GNG7: variants seen among roughly 807,000 people sequenced by gnomAD.
GNG7 encodes guanine nucleotide-binding protein G(I)/G(S)/G(O) subunit gamma-7.
A neutral mutation model predicts 4.0 loss-of-function variants in GNG7; 1 was observed. The ratio of observed to expected loss-of-function variants is 0.25; its 90% CI spans 0.09 to 1.18. GNG7 has a LOEUF of 1.18. Among genes scored for constraint, GNG7 ranks in the 50% most tolerant of loss-of-function variants. The probability of loss-of-function intolerance (pLI) is 0.50; values close to 1 mark genes in which losing one functional copy is unlikely to be tolerated. For missense variants in GNG7, 86 were observed against 91.9 expected (o/e 0.94, Z 0.26); for synonymous variants, 34 against 36.9 (o/e 0.92, Z 0.29).
intron 1 of GNG7, among the ~76,000 whole-genome samples, chr19:2,670,945 C>G (rs1283122220): frequency 2.6e-5 from 4 of 152,160 alleles, no homozygotes; most frequent in Non-Finnish European, 4.4e-5. Flanking sequence ...ATATCCCCAC[C>G]CTGAGTGGGG....
At chr19:2,604,537 G>A (rs1478975419) in intron 2 of GNG7, among the ~76,000 whole-genome samples, 24 of 138,456 alleles carry the variant, frequency 1.7e-4, no homozygotes, top group Middle Eastern at 3.8e-3. Flanking sequence ...GGGAGGGAGC[G>A]AGGGAGGGAA....
At chr19:2,678,974 C>T (rs1341597225) in intron 1 of GNG7, among the ~76,000 whole-genome samples, 1 of 152,166 alleles carries the variant, frequency 6.6e-6, no homozygotes, top group East Asian at 1.9e-4. Context: ...TCCCCAAGAA[C>T]AGACTTCATC....
intron 1 of GNG7, among the ~76,000 whole-genome samples, chr19:2,668,977 C>T (rs2144886682): frequency 6.6e-6 from 1 of 152,240 alleles, no homozygotes; most frequent in South Asian, 2.1e-4. Flanking sequence ...AACCACGGTC[C>T]CACAATATCC....
intron 1 of GNG7, among the ~76,000 whole-genome samples, chr19:2,672,219 G>C (rs946284007): frequency 1.1e-4 from 17 of 151,534 alleles, no homozygotes; most frequent in African/African-American, 4.1e-4. Context: ...ATTTTCAGTA[G>C]AGACAGGGTT....
At chr19:2,594,342 T>A (rs1412923228) in intron 2 of GNG7, among the ~76,000 whole-genome samples, 1 of 147,658 alleles carries the variant, frequency 6.8e-6, no homozygotes, top group African/African-American at 2.5e-5. Flanking sequence ...ACCACTGCAC[T>A]CCAGCCTAGG....
At chr19:2,650,971 A>C (rs1982796491) in intron 1 of GNG7, among the ~76,000 whole-genome samples, 1 of 152,252 alleles carries the variant, frequency 6.6e-6, no homozygotes, top group Admixed American at 6.5e-5. Flanking sequence ...GCCCGGCTTT[A>C]AACCCAGCTC....
intron 2 of GNG7, among the ~76,000 whole-genome samples, chr19:2,589,915 G>A (rs572099542): frequency 6.8e-4 from 104 of 152,286 alleles, no homozygotes; most frequent in African/African-American, 2.4e-3. Flanking sequence ...GGGTTCAAGC[G>A]ATTCTTCTAC....
At chr19:2,627,844 C>T (rs1568267204) in intron 2 of GNG7, among the ~76,000 whole-genome samples, 1 of 152,220 alleles carries the variant, frequency 6.6e-6, no homozygotes, top group Non-Finnish European at 1.5e-5. Context: ...ACAGACTCAC[C>T]TGTGTGCAGG....
At chr19:2,594,131 G>A (rs1293293591) in intron 2 of GNG7, among the ~76,000 whole-genome samples, 1 of 152,110 alleles carries the variant, frequency 6.6e-6, no homozygotes, top group East Asian at 1.9e-4. Flanking sequence ...AGCGCTTTGG[G>A]AGGCCAAGAC....
chr19:2,685,342 G>A (rs1393390865), intron 1 of GNG7, among the ~76,000 whole-genome samples: 1 of 151,958 alleles, frequency 6.6e-6, no homozygotes, highest in African/African-American at 2.4e-5. Flanking sequence ...ATGAAGAGAA[G>A]GCTGGGTGCA....
intron 1 of GNG7, among the ~76,000 whole-genome samples, chr19:2,656,961 C>G (rs1982991209): frequency 6.6e-6 from 1 of 152,002 alleles, no homozygotes; most frequent in East Asian, 1.9e-4. Context: ...GTGCTGGAAT[C>G]CTCTGGGGGT....
chr19:2,586,759 C>T (rs1380693377), intron 2 of GNG7, among the ~76,000 whole-genome samples: 8 of 151,644 alleles, frequency 5.3e-5, no homozygotes, highest in Admixed American at 1.3e-4. Context: ...CTGAGGTGGG[C>T]GGATTATTTG....
intron 2 of GNG7, among the ~76,000 whole-genome samples, chr19:2,572,522 C>T (rs948887030): frequency 1.3e-5 from 2 of 152,018 alleles, no homozygotes; most frequent in Non-Finnish European, 2.9e-5. Flanking sequence ...ACCTCTGCCT[C>T]CCCGGTTCAA....
At chr19:2,537,108 G>A (rs1046751351) in intron 3 of GNG7, among the ~76,000 whole-genome samples, 3 of 151,772 alleles carry the variant, frequency 2.0e-5, no homozygotes, top group East Asian at 3.9e-4. Context: ...CACCGCGCCC[G>A]GCTAATTTTT....
chr19:2,602,198 G>A (rs536441146), intron 2 of GNG7, among the ~76,000 whole-genome samples: 6 of 152,132 alleles, frequency 3.9e-5, no homozygotes, highest in Non-Finnish European at 8.8e-5. Flanking sequence ...TTAGCCGGGC[G>A]TGGTGGTGCA....
At chr19:2,625,293 G>A (rs1045956419) in intron 2 of GNG7, among the ~76,000 whole-genome samples, 2 of 152,182 alleles carry the variant, frequency 1.3e-5, no homozygotes, top group African/African-American at 4.8e-5. Flanking sequence ...GCCTGGTCCT[G>A]AATCCTGGCC....
intron 2 of GNG7, among the ~76,000 whole-genome samples, chr19:2,583,368 C>A (rs1980558027): frequency 6.6e-6 from 1 of 152,338 alleles, no homozygotes; most frequent in Non-Finnish European, 1.5e-5. Flanking sequence ...CTCTCACCCC[C>A]TTTGTAGACT....
intron 2 of GNG7, among the ~76,000 whole-genome samples, chr19:2,604,888 T>C (rs535838920): frequency 6.6e-6 from 1 of 152,304 alleles, no homozygotes; most frequent in African/African-American, 2.4e-5. Flanking sequence ...CCTGAAATCC[T>C]GGGATGAACT....
chr19:2,654,608 G>T (rs1199870186), intron 1 of GNG7, among the ~76,000 whole-genome samples: 1 of 152,226 alleles, frequency 6.6e-6, no homozygotes, highest in Non-Finnish European at 1.5e-5. Context: ...CCAGGAGGCT[G>T]CACACATTGA....
Sources: allele counts gnomAD v4.1 joint callset (sites outside exome capture counted in the v4.1 genomes callset), GRCh38; gene constraint gnomAD v4.1.1; transcripts MANE v1.5; gene names NCBI Gene and HGNC (gene_info 2026-07-23, HGNC 2026-07-21).